Variants in FALEC observed in about 807,000 individuals in gnomAD.
FALEC encodes focally amplified lncRNA on chromosome 1.
At chr1:150,532,773 G>GAA in the FALEC span, among the ~76,000 whole-genome samples, 1 of 140,446 alleles carries the variant, frequency 7.1e-6, no homozygotes, top group African/African-American at 2.6e-5. Flanking sequence ...ACTGACTAAG[G>GAA]AAAAAAAAAA....
chr1:150,525,126 C>T, the FALEC span, among the ~76,000 whole-genome samples: 1 of 151,944 alleles, frequency 6.6e-6, no homozygotes, highest in Non-Finnish European at 1.5e-5. Context: ...GAAACCCCAT[C>T]TCTGCTAAAA....
At chr1:150,534,646 A>AT in the FALEC span, among the ~76,000 whole-genome samples, 1 of 152,074 alleles carries the variant, frequency 6.6e-6, no homozygotes, top group Non-Finnish European at 1.5e-5. Context: ...AATCGAGACC[A>AT]TCCTGGCCAA....
the FALEC span, among the ~76,000 whole-genome samples, chr1:150,534,542 G>A: frequency 6.6e-6 from 1 of 152,254 alleles, no homozygotes; most frequent in Middle Eastern, 3.4e-3. Context: ...GATGGAGGCT[G>A]AGATAGAAAT....
At chr1:150,520,848 C>T (rs1670633295), downstream of FALEC, among the ~76,000 whole-genome samples, 1 of 119,490 alleles carries the variant, frequency 8.4e-6, no homozygotes, top group Admixed American at 1.2e-4. Context: ...GGCTAGAGTG[C>T]AGTGGTGCAA....
chr1:150,532,683 G>A, the FALEC span, among the ~76,000 whole-genome samples: 8 of 152,022 alleles, frequency 5.3e-5, no homozygotes, highest in African/African-American at 1.9e-4. Flanking sequence ...TAGTGTGTGC[G>A]CCAGGCCCTG....
At chr1:150,528,121 G>A in the FALEC span, among the ~76,000 whole-genome samples, 1 of 152,118 alleles carries the variant, frequency 6.6e-6, no homozygotes, top group Admixed American at 6.6e-5. Context: ...AGACACAAGA[G>A]GAAGACTCCA....
At chr1:150,519,264 C>T (rs1278098757), downstream of FALEC, among the ~76,000 whole-genome samples, 1 of 152,062 alleles carries the variant, frequency 6.6e-6, no homozygotes, top group Non-Finnish European at 1.5e-5. Flanking sequence ...ATCACTCAAT[C>T]GCTTGTTAAA....
the FALEC span, among the ~76,000 whole-genome samples, chr1:150,530,351 G>A: frequency 6.6e-6 from 1 of 152,132 alleles, no homozygotes; most frequent in Non-Finnish European, 1.5e-5. Context: ...GCAGCTGGGG[G>A]AGCACAGTTA....
the FALEC span, among the ~76,000 whole-genome samples, chr1:150,533,625 T>C: frequency 1.3e-5 from 2 of 151,856 alleles, no homozygotes; most frequent in Non-Finnish European, 2.9e-5. Context: ...TTAGTAGAGA[T>C]GAGGTTTCGC....
At chr1:150,522,967 A>ATT (rs1435955699), downstream of FALEC, among the ~76,000 whole-genome samples, 7 of 35,822 alleles carry the variant, frequency 2.0e-4, no homozygotes, top group East Asian at 4.3e-4. Context: ...ATATATATAT[A>ATT]TATATATATA....
At chr1:150,526,340 A>T in the FALEC span, among the ~76,000 whole-genome samples, 3 of 130,796 alleles carry the variant, frequency 2.3e-5, no homozygotes, top group Non-Finnish European at 4.9e-5. Flanking sequence ...ACAGAGTGAA[A>T]CTCCGTCTCA....
the FALEC span, among the ~76,000 whole-genome samples, chr1:150,526,672 C>T: frequency 2.6e-5 from 4 of 151,780 alleles, no homozygotes; most frequent in Admixed American, 1.3e-4. Context: ...CTCACTCTGT[C>T]GCCCAGGTTG....
At chr1:150,531,031 G>C in the FALEC span, among the ~76,000 whole-genome samples, 30 of 152,296 alleles carry the variant, frequency 2.0e-4, no homozygotes, top group Non-Finnish European at 4.3e-4. Context: ...TCTTTGCACA[G>C]AGAATACCTT....
chr1:150,531,649 T>G, the FALEC span, among the ~76,000 whole-genome samples: 1 of 152,170 alleles, frequency 6.6e-6, no homozygotes, highest in Non-Finnish European at 1.5e-5. Context: ...ACCAATAATG[T>G]CTGTAACAAT....
At chr1:150,533,788 A>G in the FALEC span, among the ~76,000 whole-genome samples, 4 of 152,232 alleles carry the variant, frequency 2.6e-5, no homozygotes, top group Admixed American at 2.6e-4. Flanking sequence ...AGCTTTTATC[A>G]GCCTCTCAGC....
chr1:150,532,574 TGC>T, the FALEC span, among the ~76,000 whole-genome samples: 3 of 152,252 alleles, frequency 2.0e-5, no homozygotes, highest in African/African-American at 7.2e-5. Context: ...GGCCAGGGGT[TGC>T]CAGCACCCGC....
chr1:150,516,263 C>A (rs1231381819), intron 1 of FALEC, among the ~76,000 whole-genome samples: 1 of 151,162 alleles, frequency 6.6e-6, no homozygotes, highest in Non-Finnish European at 1.5e-5. Flanking sequence ...AAAAAGGGAG[C>A]GGGGGGGCTT....
At chr1:150,522,878 T>TATATATAC (rs1553907913), downstream of FALEC, among the ~76,000 whole-genome samples, 118 of 92,936 alleles carry the variant, frequency 1.3e-3, 3 homozygotes, top group African/African-American at 3.7e-3. Context: ...TATATATACA[T>TATATATAC]ATATATATAC....
At chr1:150,533,818 A>C in the FALEC span, among the ~76,000 whole-genome samples, 5 of 152,162 alleles carry the variant, frequency 3.3e-5, no homozygotes, top group Admixed American at 3.3e-4. Context: ...GTGACCAAAA[A>C]AGATAGAAAA....
Sources: allele counts gnomAD v4.1 joint callset (sites outside exome capture counted in the v4.1 genomes callset), GRCh38; gene constraint gnomAD v4.1.1; transcripts MANE v1.5; gene names NCBI Gene and HGNC (gene_info 2026-07-23, HGNC 2026-07-21).